PLXNC1: variants seen among roughly 807,000 people sequenced by gnomAD.
PLXNC1 encodes the protein plexin-C1.
A neutral mutation model predicts 178.2 loss-of-function variants in PLXNC1; 75 were observed. The observed-to-expected ratio is 0.42, with a 90% CI of 0.35 to 0.51. PLXNC1 has a LOEUF of 0.51. Among genes scored for constraint, PLXNC1 ranks in the 20% least tolerant of loss-of-function variants. The pLI, the probability that PLXNC1 is intolerant of heterozygous loss-of-function variation, is 0.02. For synonymous variants in PLXNC1, 790 were observed against 779.9 expected (o/e 1.01, Z -0.22); for missense variants, 1,503 against 1,984.4 (o/e 0.76, Z 4.61).
chr12:94,220,285 C>T (rs893499633), intron 6 of PLXNC1, 122 bp downstream of exon 6: 46 of 905,534 alleles, frequency 5.1e-5, no homozygotes, highest in Non-Finnish European at 7.8e-5. Flanking sequence ...CCTCACTACC[C>T]CCTGGTTCCC....
chr12:94,263,153 C>T (rs1965047853), intron 20 of PLXNC1, among the ~76,000 whole-genome samples: 1 of 152,166 alleles, frequency 6.6e-6, no homozygotes. Context: ...CCTCATGGCC[C>T]TGTGATTCCC....
At chr12:94,264,510 G>GGGCCT (rs1296738548) in intron 20 of PLXNC1, among the ~76,000 whole-genome samples, 6 of 131,992 alleles carry the variant, frequency 4.5e-5, no homozygotes, top group South Asian at 2.3e-4. Flanking sequence ...TGCCCGGGCC[G>GGGCCT]GGCCTGGCCT....
At chr12:94,274,681 G>A (rs1171117826) in intron 21 of PLXNC1, among the ~76,000 whole-genome samples, 1 of 152,176 alleles carries the variant, frequency 6.6e-6, no homozygotes, top group Non-Finnish European at 1.5e-5. Context: ...CCATCCCATC[G>A]ATTTGGACCA....
intron 21 of PLXNC1, among the ~76,000 whole-genome samples, chr12:94,265,907 G>A (rs1965207660): frequency 6.6e-6 from 1 of 152,294 alleles, no homozygotes; most frequent in East Asian, 1.9e-4. Context: ...GCACATTTGG[G>A]AATTTCAGAG....
At position 94,275,834 on chromosome 12, in the gene PLXNC1, G is replaced by A. The variant is rs1026730599; in HGVS notation, c.3598-3638G>A. Among the ~76,000 whole-genome samples, 11 of 121,626 alleles carry A rather than the reference G, an allele frequency of 9.0e-5. 2 individuals are homozygous for A. The highest frequency in any genetic ancestry group is 1.6e-4 in the Non-Finnish European group (10 of 62,096). 79.8% of individuals were successfully genotyped at this position (121,626 alleles called of 152,430 possible). On this transcript the variant is annotated intron_variant, in intron 21 of 30. Coordinates refer to ENST00000258526, the MANE Select transcript of PLXNC1 (RefSeq NM_005761.3). ...CCCGCCACTGCACTCCAGCCTGGGC[G>A]ACAGAGCGAGACTCCGTCTCAAAAA... is the stretch of plus-strand genomic sequence containing the variant.
intron 28 of PLXNC1, 84 bp downstream of exon 28, chr12:94,301,141 C>A: frequency 1.6e-6 from 2 of 1,274,534 alleles, no homozygotes; most frequent in Non-Finnish European, 2.2e-6. Context: ...AAATAATAAA[C>A]AATTGGTCTA....
chr12:94,262,578 C>A, intron 20 of PLXNC1: 10 of 985,466 alleles, frequency 1.0e-5, no homozygotes, highest in Non-Finnish European at 1.1e-5. Flanking sequence ...CGGCTCGGCT[C>A]GCCAGGAGGA....
At chr12:94,220,465 A>T (rs918680006) in intron 6 of PLXNC1, among the ~76,000 whole-genome samples, 2 of 152,234 alleles carry the variant, frequency 1.3e-5, no homozygotes, top group African/African-American at 2.4e-5. Context: ...TAATTCAGAG[A>T]TCTGAAAAGC....
chr12:94,174,330 C>T (rs943030551), intron 2 of PLXNC1, among the ~76,000 whole-genome samples: 1 of 151,848 alleles, frequency 6.6e-6, no homozygotes, highest in Non-Finnish European at 1.5e-5. Flanking sequence ...GACTACAGAC[C>T]TGTGCCCCCA....
chr12:94,283,513 A>G (rs1483827246), intron 23 of PLXNC1, among the ~76,000 whole-genome samples: 1 of 152,226 alleles, frequency 6.6e-6, no homozygotes, highest in Admixed American at 6.5e-5. Flanking sequence ...CTGATTTATC[A>G]AGACAGGAAT....
chr12:94,188,485 G>A (rs1052170207), intron 4 of PLXNC1, among the ~76,000 whole-genome samples: 6 of 151,808 alleles, frequency 4.0e-5, no homozygotes, highest in African/African-American at 9.7e-5. Flanking sequence ...CACCATGCCC[G>A]ACTAATTTTT....
intron 11 of PLXNC1, 36 bp downstream of exon 11, chr12:94,240,700 G>A: frequency 6.7e-7 from 1 of 1,494,378 alleles, no homozygotes; most frequent in Admixed American, 1.8e-5. Flanking sequence ...TCTCATTGTG[G>A]TTAAAGGTCA....
chr12:94,181,017 A>G (rs923782067), intron 2 of PLXNC1, among the ~76,000 whole-genome samples: 8 of 152,284 alleles, frequency 5.3e-5, no homozygotes, highest in South Asian at 2.1e-4. Context: ...ATGATTAAGG[A>G]GCATGGTACC....
intron 14 of PLXNC1, 36 bp downstream of exon 14, chr12:94,248,448 C>G (rs1224603486): frequency 6.7e-7 from 1 of 1,498,944 alleles, no homozygotes; most frequent in African/African-American, 1.4e-5. Context: ...CTGTCTTTAC[C>G]TGATTTTTGT....
At chr12:94,228,623 A>G (rs1483155989) in intron 9 of PLXNC1, among the ~76,000 whole-genome samples, 1 of 152,026 alleles carries the variant, frequency 6.6e-6, no homozygotes, top group African/African-American at 2.4e-5. Context: ...GTCTCTATGA[A>G]TTTGACTACT....
chr12:94,297,400 C>T lies in PLXNC1; in HGVS notation c.4051C>T (p.Leu1351=), dbSNP rs201665971. Residue 1351 remains leucine (L), a synonymous_variant, in exon 26 of 31, where the codon CTG becomes TTG. Coordinates refer to ENST00000258526, the MANE Select transcript of PLXNC1 (RefSeq NM_005761.3). ...KHKFKVKEMY[L]TKLLSTKVAI... ...CAAGTTCAAAGTAAAAGAAATGTAT[C>T]TGACAAAGCTGCTGTCGACCAAGGT... is the stretch of plus-strand genomic sequence containing the variant. 9.3e-6 allele frequency: 15 copies of T among 1,613,208 alleles called. No homozygotes were observed. Among genetic ancestry groups the T allele is most frequent in the Non-Finnish European group, 1.3e-5 (15 of 1,179,384 alleles).
chr12:94,155,742 G>T (rs1473365529), intron 1 of PLXNC1, among the ~76,000 whole-genome samples: 1 of 152,160 alleles, frequency 6.6e-6, no homozygotes, highest in Non-Finnish European at 1.5e-5. Flanking sequence ...CCCAGATGTG[G>T]GGGGATGTCT....
rs1388471271 is a variant in PLXNC1 at position 94,260,511 on chromosome 12, A to T, written c.3252-131A>T. 9.9e-6 allele frequency: 1 copy of T among 100,892 alleles called. No homozygotes were observed. The highest frequency in any genetic ancestry group is 1.8e-5 in the Non-Finnish European group (1 of 56,962). 6.2% of individuals were successfully genotyped at this position (100,892 alleles called of 1,614,324 possible). A position where few individuals can be genotyped will look rare whatever the true frequency, so the allele number is the denominator to read the frequency against. On this transcript the variant is annotated intron_variant, in intron 19 of 30. Coordinates refer to ENST00000258526, the MANE Select transcript of PLXNC1 (RefSeq NM_005761.3). The surrounding 1 kb of genome is among the most constrained non-coding windows in gnomAD (Gnocchi z 4.4). Reference sequence around the variant, plus strand: ...AGAAGTGGTTAGAATCTAAACATTAAAAAAAAAAAAAAAAAAGCTCCCAAC... The same window carrying T: ...AGAAGTGGTTAGAATCTAAACATTATAAAAAAAAAAAAAAAAGCTCCCAAC...
chr12:94,306,939 G>C lies in PLXNC1; in HGVS notation c.*1654G>C, dbSNP rs2136249613. ...AGATCAGAATAAAGGTGAGAGGTCTGGTCCCCATTGAAGGCTGCTACAGTC... is the reference window on the plus strand; with the variant it reads ...AGATCAGAATAAAGGTGAGAGGTCTCGTCCCCATTGAAGGCTGCTACAGTC... On this transcript the variant is annotated 3_prime_UTR_variant, in exon 31 of 31. Transcript: ENST00000258526. 6.6e-6 allele frequency: 1 copy of C among 152,232 alleles called. No individual in the cohort carries two copies. The allele number at this position is 152,232 out of a possible 1,614,324, so 9.4% of individuals were successfully genotyped here. A position where few individuals can be genotyped will look rare whatever the true frequency, so the allele number is the denominator to read the frequency against.
Sources: gnomAD v4.1 joint callset for allele counts (sites outside exome capture counted in the v4.1 genomes callset) on GRCh38, gnomAD v4.1.1 for gene constraint, Gnocchi (gnomAD v3.1) non-coding constraint, MANE v1.5 for transcripts, NCBI Gene and HGNC (gene_info 2026-07-23, HGNC 2026-07-21) for gene names.